The following CCSER1 variants were observed in gnomAD, a reference collection of about 807,000 sequenced individuals.
CCSER1 encodes serine-rich coiled-coil domain-containing protein 1.
Under a neutral mutation model 82.0 loss-of-function variants are expected in CCSER1, and 41 were observed. That is an observed-to-expected ratio of 0.50 (90% confidence interval 0.39 to 0.65). The LOEUF is 0.65. Ranked by LOEUF, CCSER1 falls within the 30% of genes least tolerant of loss-of-function variation. The pLI, the probability that CCSER1 is intolerant of heterozygous loss-of-function variation, is 0.00. For synonymous variants in CCSER1, 414 were observed against 383.9 expected, an observed-to-expected ratio of 1.08 and a Z score of -0.92; for missense variants, 1,119 against 1,064.2, an observed-to-expected ratio of 1.05 and a Z score of -0.72.
chr4:90,587,491 TC>T (rs1782166323), intron 5 of CCSER1, among the ~76,000 whole-genome samples: 1 of 152,124 alleles, frequency 6.6e-6, no homozygotes, highest in Non-Finnish European at 1.5e-5. Flanking sequence ...GTGCCTGTAG[TC>T]CCAGCTACTT....
chr4:91,496,859 A>G (rs1388926491), intron 10 of CCSER1, among the ~76,000 whole-genome samples: 2 of 132,930 alleles, frequency 1.5e-5, no homozygotes, highest in Admixed American at 1.7e-4. Flanking sequence ...ATTCAAATAT[A>G]TATTGAATAT....
intron 10 of CCSER1, among the ~76,000 whole-genome samples, chr4:91,150,025 G>T (rs963700655): frequency 1.3e-5 from 2 of 152,166 alleles, no homozygotes; most frequent in African/African-American, 4.8e-5. Context: ...GAAAGTCATT[G>T]GTAGCTTGAT....
At chr4:91,016,458 G>T (rs72667515) in intron 9 of CCSER1, among the ~76,000 whole-genome samples, 40,874 of 151,702 alleles carry the variant, frequency 0.27, 6,799 homozygotes, top group East Asian at 0.39. Context: ...TATTATCATT[G>T]TCAAAATTAA....
At chr4:91,230,637 A>G (rs1450637117) in intron 10 of CCSER1, among the ~76,000 whole-genome samples, 2 of 151,936 alleles carry the variant, frequency 1.3e-5, no homozygotes, top group Admixed American at 1.3e-4. Flanking sequence ...AGGAAAAAAA[A>G]CACACAAAAC....
At chr4:91,371,530 G>A (rs894210904) in intron 10 of CCSER1, among the ~76,000 whole-genome samples, 3 of 152,060 alleles carry the variant, frequency 2.0e-5, no homozygotes, top group Admixed American at 1.3e-4. Context: ...TTGCTGAATA[G>A]TATCCCATTG....
At chr4:90,241,965 C>G (rs548087975) in intron 1 of CCSER1, among the ~76,000 whole-genome samples, 1 of 151,844 alleles carries the variant, frequency 6.6e-6, no homozygotes, top group African/African-American at 2.4e-5. Context: ...ATCTACTAAC[C>G]CTGAATTTAA....
At chr4:90,624,407 A>G (rs1156942833) in intron 5 of CCSER1, among the ~76,000 whole-genome samples, 1 of 152,004 alleles carries the variant, frequency 6.6e-6, no homozygotes, top group African/African-American at 2.4e-5. Context: ...AGTGAGAAAA[A>G]AAATCATAAA....
intron 9 of CCSER1, among the ~76,000 whole-genome samples, chr4:91,058,766 A>T (rs1163491972): frequency 1.3e-5 from 2 of 152,010 alleles, no homozygotes; most frequent in Non-Finnish European, 2.9e-5. Flanking sequence ...TGATTTTTTT[A>T]TGTAATAGAT....
chr4:91,226,199 A>G (rs1214921546), intron 10 of CCSER1, among the ~76,000 whole-genome samples: 2 of 151,934 alleles, frequency 1.3e-5, no homozygotes, highest in African/African-American at 4.8e-5. Flanking sequence ...AGACAATGAA[A>G]GATATATTAA....
At chr4:91,064,035 A>G (rs1395535212) in intron 9 of CCSER1, among the ~76,000 whole-genome samples, 1 of 151,672 alleles carries the variant, frequency 6.6e-6, no homozygotes, top group Non-Finnish European at 1.5e-5. Flanking sequence ...CTTTTCTTTC[A>G]CTCTCCCTTC....
intron 6 of CCSER1, among the ~76,000 whole-genome samples, chr4:90,697,787 A>G (rs1737256722): frequency 6.6e-6 from 1 of 152,142 alleles, no homozygotes; most frequent in African/African-American, 2.4e-5. Flanking sequence ...TACTATGCAA[A>G]AGTCTTTTCA....
At chr4:91,185,302 A>C (rs1263982500) in intron 10 of CCSER1, among the ~76,000 whole-genome samples, 2 of 152,162 alleles carry the variant, frequency 1.3e-5, no homozygotes, top group African/African-American at 4.8e-5. Flanking sequence ...TCTGCTTTCC[A>C]GGGAACAGAA....
intron 7 of CCSER1, among the ~76,000 whole-genome samples, chr4:90,811,987 T>C (rs1273841738): frequency 4.7e-4 from 58 of 123,530 alleles, no homozygotes; most frequent in African/African-American, 1.7e-3. Context: ...TATATATATA[T>C]ATAAACACAT....
intron 1 of CCSER1, among the ~76,000 whole-genome samples, chr4:90,133,053 G>A (rs1306756269): frequency 2.0e-5 from 3 of 152,090 alleles, no homozygotes; most frequent in African/African-American, 7.2e-5. Context: ...TCTGGGGTGG[G>A]GTTCTCTGTG....
intron 4 of CCSER1, among the ~76,000 whole-genome samples, chr4:90,407,289 C>T (rs776772879): frequency 5.9e-5 from 9 of 152,100 alleles, no homozygotes; most frequent in Non-Finnish European, 1.0e-4. Flanking sequence ...ATATGACCCT[C>T]GTAGATTAAA....
At chr4:91,219,614 T>G (rs977199244) in intron 10 of CCSER1, among the ~76,000 whole-genome samples, 1 of 152,174 alleles carries the variant, frequency 6.6e-6, no homozygotes, top group Non-Finnish European at 1.5e-5. Context: ...AGTTTGAATT[T>G]AAATTGTAAC....
At chr4:91,044,254 G>T (rs7679126) in intron 9 of CCSER1, among the ~76,000 whole-genome samples, 56,280 of 152,050 alleles carry the variant, frequency 0.37, 11,682 homozygotes, top group East Asian at 0.64. Context: ...ATGAATGATA[G>T]AATTGCTACA....
intron 7 of CCSER1, chr4:90,724,931 G>A (rs1030957126): frequency 1.0e-5 from 4 of 384,488 alleles, no homozygotes; most frequent in African/African-American, 8.5e-5. Flanking sequence ...TTGTTGAAAT[G>A]ATAATTATAG....
chr4:90,570,701 A>G (rs984549239), intron 5 of CCSER1, among the ~76,000 whole-genome samples: 2 of 152,154 alleles, frequency 1.3e-5, no homozygotes, highest in African/African-American at 4.8e-5. Flanking sequence ...GGACATGGAA[A>G]GGGAGTCATC....
Sources: allele counts gnomAD v4.1 joint callset (sites outside exome capture counted in the v4.1 genomes callset), GRCh38; gene constraint gnomAD v4.1.1; transcripts MANE v1.5; gene names NCBI Gene and HGNC (gene_info 2026-07-23, HGNC 2026-07-21).